The following MAF variants were observed in gnomAD, a reference collection of about 807,000 sequenced individuals.
MAF encodes MAF bZIP transcription factor.
A neutral mutation model predicts 22.0 loss-of-function variants in MAF; 10 were observed. The observed-to-expected ratio is 0.45, with a 90% confidence interval of 0.28 to 0.77. The LOEUF is 0.77. Among genes scored for constraint, MAF ranks in the 30% least tolerant of loss-of-function variants. The pLI, the probability that MAF is intolerant of heterozygous loss-of-function variation, is 0.12. For missense variants in MAF, 544 were observed against 548.4 expected (o/e 0.99, Z 0.08); for synonymous variants, 337 against 255.8 (o/e 1.32, Z -3.03).
the MAF span, among the ~76,000 whole-genome samples, chr16:79,558,140 G>T: frequency 6.6e-6 from 1 of 150,806 alleles, no homozygotes; most frequent in Non-Finnish European, 1.5e-5. Flanking sequence ...GGAGAGAGTG[G>T]GTCTTGGGTT....
the MAF span, among the ~76,000 whole-genome samples, chr16:79,353,260 C>T: frequency 6.6e-6 from 1 of 152,054 alleles, no homozygotes; most frequent in African/African-American, 2.4e-5. Context: ...TCCCAAGTAG[C>T]TGGGACCACA....
chr16:79,490,800 A>T, the MAF span, among the ~76,000 whole-genome samples: 1 of 152,224 alleles, frequency 6.6e-6, no homozygotes, highest in Non-Finnish European at 1.5e-5. Context: ...TGAAGGTAAC[A>T]CAATTCTGCT....
At chr16:79,465,022 C>A in the MAF span, among the ~76,000 whole-genome samples, 1 of 152,186 alleles carries the variant, frequency 6.6e-6, no homozygotes. Context: ...GGTGGATAGT[C>A]ATCCAGATCT....
At chr16:79,412,923 G>A in the MAF span, among the ~76,000 whole-genome samples, 32 of 152,214 alleles carry the variant, frequency 2.1e-4, no homozygotes, top group African/African-American at 7.2e-4. Context: ...TGCCCTGTAG[G>A]TATGTAAATA....
the MAF span, among the ~76,000 whole-genome samples, chr16:79,457,143 C>A: frequency 9.9e-5 from 15 of 152,274 alleles, no homozygotes; most frequent in Middle Eastern, 3.4e-3. Flanking sequence ...TTGAAAGGGA[C>A]TGTTCTCTCC....
At chr16:79,224,023 A>G in the MAF span, among the ~76,000 whole-genome samples, 2 of 152,208 alleles carry the variant, frequency 1.3e-5, no homozygotes, top group Non-Finnish European at 2.9e-5. Context: ...GGCCAGCATC[A>G]TCCTGATACC....
intron 1 of MAF, chr16:79,598,407 C>T: frequency 8.7e-7 from 1 of 1,150,322 alleles, no homozygotes; most frequent in East Asian, 4.0e-5. Flanking sequence ...AAGAACTCTG[C>T]TGAGATCATT....
At chr16:79,507,137 G>A in the MAF span, among the ~76,000 whole-genome samples, 1 of 139,694 alleles carries the variant, frequency 7.2e-6, no homozygotes, top group African/African-American at 2.9e-5. Flanking sequence ...TTTTTGAGAT[G>A]GAGTTTTACT....
At chr16:79,241,721 A>C in the MAF span, among the ~76,000 whole-genome samples, 1 of 152,038 alleles carries the variant, frequency 6.6e-6, no homozygotes, top group Non-Finnish European at 1.5e-5. Flanking sequence ...CGAGAAGAGC[A>C]ACCCCAAGAC....
chr16:79,568,260 G>T, the MAF span, among the ~76,000 whole-genome samples: 1 of 152,186 alleles, frequency 6.6e-6, no homozygotes, highest in East Asian at 1.9e-4. Flanking sequence ...ATGGGTGTCT[G>T]TGGATGGCCC....
chr16:79,385,862 G>A, the MAF span, among the ~76,000 whole-genome samples: 5 of 152,168 alleles, frequency 3.3e-5, no homozygotes, highest in African/African-American at 1.2e-4. Context: ...AGCCAAGATA[G>A]TGCCACTGCA....
At chr16:79,463,493 G>C in the MAF span, among the ~76,000 whole-genome samples, 1 of 152,108 alleles carries the variant, frequency 6.6e-6, no homozygotes, top group African/African-American at 2.4e-5. Context: ...CTGTGCTATA[G>C]ATGACAACAA....
At chr16:79,267,500 G>A in the MAF span, among the ~76,000 whole-genome samples, 1 of 152,216 alleles carries the variant, frequency 6.6e-6, no homozygotes, top group African/African-American at 2.4e-5. Context: ...CTGCTGCGGG[G>A]CTGTTGTTCT....
At chr16:79,393,548 C>A in the MAF span, among the ~76,000 whole-genome samples, 3 of 152,202 alleles carry the variant, frequency 2.0e-5, no homozygotes, top group African/African-American at 7.2e-5. Flanking sequence ...CCTGATTAGA[C>A]CTCAGTGCTG....
chr16:79,529,760 A>C, the MAF span, among the ~76,000 whole-genome samples: 814 of 152,294 alleles, frequency 5.3e-3, 7 homozygotes, highest in Non-Finnish European at 6.7e-3. Context: ...CAGGAGCTCA[A>C]AACCAGCCTG....
the MAF span, among the ~76,000 whole-genome samples, chr16:79,310,129 A>C: frequency 6.6e-6 from 1 of 152,164 alleles, no homozygotes; most frequent in Non-Finnish European, 1.5e-5. Flanking sequence ...CCTTTAATGG[A>C]ACTGGGCAAT....
chr16:79,230,550 T>A, the MAF span, among the ~76,000 whole-genome samples: 1 of 152,108 alleles, frequency 6.6e-6, no homozygotes, highest in Non-Finnish European at 1.5e-5. Context: ...TAAACGTGGG[T>A]CGAATCCTGG....
the MAF span, among the ~76,000 whole-genome samples, chr16:79,287,427 C>G: frequency 2.6e-5 from 4 of 152,200 alleles, no homozygotes. Flanking sequence ...TGTGAGTCCA[C>G]ACTGGAAGCT....
At chr16:79,520,465 C>G in the MAF span, among the ~76,000 whole-genome samples, 1 of 152,156 alleles carries the variant, frequency 6.6e-6, no homozygotes, top group South Asian at 2.1e-4. Flanking sequence ...CCTCTCTTCT[C>G]TATCTCTCTG....
Sources: gnomAD v4.1 joint callset for allele counts (sites outside exome capture counted in the v4.1 genomes callset) on GRCh38, gnomAD v4.1.1 for gene constraint, MANE v1.5 for transcripts, NCBI Gene and HGNC (gene_info 2026-07-23, HGNC 2026-07-21) for gene names.